Variants in UACA observed in about 807,000 individuals in gnomAD.
The protein encoded by UACA is uveal autoantigen with coiled-coil domains and ankyrin repeats.
A neutral mutation model predicts 160.5 loss-of-function variants in UACA; 112 were observed. The observed-to-expected ratio is 0.70, with a 90% CI of 0.60 to 0.82. The LOEUF is 0.82. UACA is among the 40% of genes least tolerant of loss of function. UACA has a pLI of 0.00. For missense variants in UACA, 1,574 were observed against 1,614.6 expected, an observed-to-expected ratio of 0.97 and a Z score of 0.43; for synonymous variants, 557 against 568.4, an observed-to-expected ratio of 0.98 and a Z score of 0.29.
chr15:70,677,944 T>C (rs562332637), intron 11 of UACA, among the ~76,000 whole-genome samples, 155 bp downstream of exon 11: 4 of 152,222 alleles, frequency 2.6e-5, no homozygotes, highest in Non-Finnish European at 5.9e-5. Flanking sequence ...TATGGTACTT[T>C]AAATGTAAAA....
chr15:70,712,980 T>C (rs1898726746), intron 1 of UACA, among the ~76,000 whole-genome samples: 1 of 152,178 alleles, frequency 6.6e-6, no homozygotes. Context: ...AAGTCTCTCT[T>C]CCCATGGAAC....
At chr15:70,719,318 C>T (rs1419636728) in intron 1 of UACA, among the ~76,000 whole-genome samples, 1 of 152,182 alleles carries the variant, frequency 6.6e-6, no homozygotes, top group African/African-American at 2.4e-5. Context: ...AAGACCAAAT[C>T]ATAAGTGTAG....
At chr15:70,690,744 G>A (rs1444619742) in intron 4 of UACA, among the ~76,000 whole-genome samples, 3 of 151,556 alleles carry the variant, frequency 2.0e-5, no homozygotes, top group African/African-American at 7.3e-5. Context: ...ATAATGAATG[G>A]CATGAAATAC....
chr15:70,766,780 T>C (rs34212834), upstream of UACA, among the ~76,000 whole-genome samples: 450 of 152,296 alleles, frequency 3.0e-3, 2 homozygotes, highest in Non-Finnish European at 5.3e-3. Context: ...TGAGTATCCA[T>C]TCAATGAATA....
chr15:70,667,746 A>C lies in UACA; in HGVS notation c.2938T>G (p.Cys980Gly), dbSNP rs1229574674. The stretch of plus-strand genomic sequence containing the variant: ...ATTGGGGCGTATTTTACCTTAATGC[A>C]TTCTTGTATTGTGTCGAGCTCCTTC... ...QKKELDTIQE[C>G]IKVKYAPIVS... Residue 980 changes from cysteine to glycine, a missense_variant, in exon 16 of 19, where the codon TGC becomes GGC. Physicochemically the swap from Cys to Gly is radical, Grantham distance 159. Transcript: ENST00000322954. 6.2e-7 allele frequency: 1 copy of C among 1,614,000 alleles called. No homozygotes were observed. The highest frequency in any genetic ancestry group is 8.5e-7 in the Non-Finnish European group (1 of 1,179,974).
intron 1 of UACA, among the ~76,000 whole-genome samples, chr15:70,749,524 C>CA (rs538980286): frequency 0.19 from 25,273 of 134,400 alleles, 3,431 homozygotes; most frequent in African/African-American, 0.39. Flanking sequence ...GACTCCGTCT[C>CA]AAAAAAAAAA....
intron 9 of UACA, among the ~76,000 whole-genome samples, chr15:70,682,349 TC>T (rs1292906108): frequency 1.3e-5 from 2 of 152,228 alleles, no homozygotes; most frequent in Non-Finnish European, 2.9e-5. Flanking sequence ...TTTCTTCATT[TC>T]TTAATTACAC....
intron 16 of UACA, 44 bp downstream of exon 16, chr15:70,666,680 C>T: frequency 6.8e-7 from 1 of 1,473,158 alleles, no homozygotes. Context: ...GAGCACTGCT[C>T]TGGGGTTTCC....
rs774037853 is a variant in UACA, at chr15:70,690,532, T to TTA, written c.367-22_367-21insTA. The TTA allele has an allele frequency of 1.6e-5, 25 of 1,594,384 alleles. 1 individual carries two copies. In the African/African-American group the frequency reaches 3.0e-4, roughly 19 times the overall value. ...TTGTACTGTTAAAGTAAAGAAAACT[T>TTA]AGTAAAGTAGGAGAGTTTTATTTTA... is the stretch of plus-strand genomic sequence containing the variant. On this transcript the variant is annotated intron_variant, in intron 4 of 18. Transcript: ENST00000322954.
chr15:70,664,974 A>C, intron 16 of UACA, 160 bp from the exon 17 acceptor site: 1 of 513,828 alleles, frequency 1.9e-6, no homozygotes, highest in South Asian at 4.4e-5. Context: ...GGATGTATAC[A>C]ATATGTAATT....
intron 1 of UACA, among the ~76,000 whole-genome samples, chr15:70,739,018 T>C (rs1899451190): frequency 6.6e-6 from 1 of 152,324 alleles, no homozygotes; most frequent in Middle Eastern, 3.4e-3. Context: ...ACACATTCTA[T>C]TGTTCAAAGC....
At chr15:70,708,108 C>T (rs868386847) in intron 1 of UACA, among the ~76,000 whole-genome samples, 2 of 152,134 alleles carry the variant, frequency 1.3e-5, no homozygotes, top group South Asian at 4.1e-4. Flanking sequence ...GGAAGGAAAT[C>T]CTGTCACATG....
chr15:70,660,288 C>G (rs1896660655), intron 17 of UACA, 72 bp from the exon 18 acceptor site: 7 of 1,256,608 alleles, frequency 5.6e-6, no homozygotes, highest in Non-Finnish European at 8.1e-6. Context: ...AATGCTCAGG[C>G]TTCATGCTAC....
intron 10 of UACA, among the ~76,000 whole-genome samples, chr15:70,678,508 T>C (rs771389434): frequency 1.3e-5 from 2 of 152,134 alleles, no homozygotes; most frequent in African/African-American, 4.8e-5. Context: ...AGCAAAAGAA[T>C]ATGCCATTTT....
intron 1 of UACA, among the ~76,000 whole-genome samples, chr15:70,750,616 C>A (rs745461620): frequency 6.6e-6 from 1 of 152,140 alleles, no homozygotes; most frequent in Non-Finnish European, 1.5e-5. Flanking sequence ...CCTATAATCC[C>A]AAAACTTCAA....
chr15:70,747,395 G>A (rs966808799), intron 1 of UACA, among the ~76,000 whole-genome samples: 1 of 151,746 alleles, frequency 6.6e-6, no homozygotes, highest in African/African-American at 2.4e-5. Flanking sequence ...TGGGAGACAA[G>A]GTCTTGCTCT....
rs766485517 is a variant in UACA at position 70,682,707 on chromosome 15, C to T, written c.822+51G>A. ...AACTATTAACTAGTTTTACTAAGCA[C>T]TTTAAACTATACAATACATATAATT... On this transcript the variant is annotated intron_variant, in intron 9 of 18. Coordinates refer to ENST00000322954, the MANE Select transcript of UACA (RefSeq NM_018003.4). The T allele has an allele frequency of 2.6e-5, 31 of 1,203,606 alleles. No individual in the cohort carries two copies. In the African/African-American group the frequency reaches 4.3e-4, roughly 17 times the overall value. 74.6% of individuals were successfully genotyped at this position (1,203,606 alleles called of 1,614,324 possible). A position where few individuals can be genotyped will look rare whatever the true frequency, so the allele number is the denominator to read the frequency against.
intron 7 of UACA, among the ~76,000 whole-genome samples, chr15:70,686,845 G>A (rs1897741951): frequency 6.6e-6 from 1 of 152,148 alleles, no homozygotes; most frequent in Non-Finnish European, 1.5e-5. Flanking sequence ...TGGAAGGGGT[G>A]TGTTTCAGAT....
intron 11 of UACA, 94 bp from the exon 12 acceptor site, chr15:70,677,234 T>A: frequency 1.1e-6 from 1 of 950,604 alleles, no homozygotes; most frequent in Non-Finnish European, 1.6e-6. Context: ...GATTGGCAAA[T>A]GTCTTTAAGA....
Sources: allele counts gnomAD v4.1 joint callset (sites outside exome capture counted in the v4.1 genomes callset), GRCh38; gene constraint gnomAD v4.1.1; transcripts MANE v1.5; gene names NCBI Gene and HGNC (gene_info 2026-07-23, HGNC 2026-07-21).